The following PCDHGA3 variants were observed in gnomAD, a reference collection of about 807,000 sequenced individuals.
PCDHGA3 encodes protocadherin gamma subfamily A, 3.
PCDHGA3 carries 40 observed loss-of-function variants against 58.5 expected under a neutral mutation model. The observed-to-expected ratio is 0.68, with a 90% CI of 0.53 to 0.89. PCDHGA3 has a LOEUF of 0.89. Ranked by LOEUF, PCDHGA3 falls within the 40% of genes least tolerant of loss-of-function variation. The pLI, the probability that PCDHGA3 is intolerant of heterozygous loss-of-function variation, is 0.00. For missense variants in PCDHGA3, 1,223 were observed against 1,195.9 expected, an observed-to-expected ratio of 1.02 and a Z score of -0.33; for synonymous variants, 530 against 525.7, an observed-to-expected ratio of 1.01 and a Z score of -0.11.
At chr5:141,396,487 G>A (rs1196823269) in intron 1 of PCDHGA3, 1 of 152,122 alleles carries the variant, frequency 6.6e-6, no homozygotes, top group Non-Finnish European at 1.5e-5. Flanking sequence ...AGGCATGGTG[G>A]CATGCGCCTG....
rs747283905 is a variant in PCDHGA3, at chr5:141,491,693, G to A, written c.2425-3114G>A. On this transcript the variant is annotated intron_variant, in intron 1 of 3. Transcript: ENST00000253812. The surrounding 1 kb of genome is among the most constrained non-coding windows in gnomAD (Gnocchi z 6.9). ...TCCCGCTCTAATACGCTGCGGGAGC[G>A]GAGCCAGGTGAGGGGCTCGGCGCCG... 3.7e-5 allele frequency: 59 copies of A among 1,612,434 alleles called. No homozygotes were observed. Among genetic ancestry groups the A allele is most frequent in the Non-Finnish European group, 4.7e-5 (55 of 1,179,352 alleles).
chr5:141,458,701 C>A (rs1057501287), intron 1 of PCDHGA3, among the ~76,000 whole-genome samples: 3 of 152,088 alleles, frequency 2.0e-5, no homozygotes, highest in Non-Finnish European at 2.9e-5. Context: ...TCCCGAGTAG[C>A]TGGGATTACA....
In PCDHGA3 at chr5:141,489,950, A is replaced by G; in HGVS notation, c.2425-4857A>G. 2 of 1,614,192 alleles carry G rather than the reference A, an allele frequency of 1.2e-6. No individual in the cohort carries two copies. The highest frequency in any genetic ancestry group is 1.1e-5 in the South Asian group (1 of 91,088). ...TCTGTCATCGTGCTGGACATCAATG[A>G]TAATGCTCCAACCTTCCAATCCTCA... On this transcript the variant is annotated intron_variant, in intron 1 of 3. Transcript: ENST00000253812. The surrounding 1 kb of genome is among the most constrained non-coding windows in gnomAD (Gnocchi z 4.5).
intron 1 of PCDHGA3, chr5:141,390,321 C>G: frequency 6.2e-7 from 1 of 1,607,082 alleles, no homozygotes; most frequent in Non-Finnish European, 8.5e-7. Flanking sequence ...TCATTGCCTA[C>G]CCATTTCTCC....
At chr5:141,447,623 C>G (rs940221130) in intron 1 of PCDHGA3, among the ~76,000 whole-genome samples, 1 of 152,042 alleles carries the variant, frequency 6.6e-6, no homozygotes, top group African/African-American at 2.4e-5. Flanking sequence ...AAAGTTGAAA[C>G]CAACAGTATG....
intron 1 of PCDHGA3, chr5:141,418,422 G>A: frequency 6.2e-7 from 1 of 1,613,996 alleles, no homozygotes; most frequent in East Asian, 2.2e-5. Context: ...AATCCTGATG[G>A]TGGCAAATAT....
At chr5:141,460,989 A>G (rs199888312) in intron 1 of PCDHGA3, among the ~76,000 whole-genome samples, 3,445 of 98,242 alleles carry the variant, frequency 0.035, 55 homozygotes, top group African/African-American at 0.064. Context: ...GTGTGTATAT[A>G]TATATATGTG....
rs2099687715 is a variant in PCDHGA3, at chr5:141,489,479, T to G, written c.2425-5328T>G. 1.2e-6 allele frequency: 2 copies of G among 1,614,090 alleles called. No individual in the cohort carries two copies. The highest frequency in any genetic ancestry group is 1.7e-6 in the Non-Finnish European group (2 of 1,180,010). ...GGGCGCTATTTTTCCCTGAGCTTGATGAGTGGTGCCCTGGCAGTGAATCAA... is the reference window on the plus strand; with the variant it reads ...GGGCGCTATTTTTCCCTGAGCTTGAGGAGTGGTGCCCTGGCAGTGAATCAA... On this transcript the variant is annotated intron_variant, in intron 1 of 3. Transcript: ENST00000253812. This position sits in a 1 kb window ranked among gnomAD's most constrained non-coding sequence, Gnocchi z 4.5.
intron 1 of PCDHGA3, among the ~76,000 whole-genome samples, chr5:141,386,536 GTGT>G (rs1561611759): frequency 6.6e-6 from 1 of 151,656 alleles, no homozygotes; most frequent in African/African-American, 2.4e-5. Flanking sequence ...TTTTAGACTA[GTGT>G]TGTATTTGGT....
At chr5:141,474,557 G>T (rs1261720500) in intron 1 of PCDHGA3, among the ~76,000 whole-genome samples, 2 of 152,184 alleles carry the variant, frequency 1.3e-5, no homozygotes, top group Admixed American at 1.3e-4. Context: ...AAAACTGGGG[G>T]TTTTCAGAGA....
rs1385144710 is a variant in PCDHGA3 at position 141,399,080 on chromosome 5, G to C, written c.2424+52623G>C. 1 of 1,613,696 alleles carries C rather than the reference G, an allele frequency of 6.2e-7. No homozygotes were observed. On this transcript the variant is annotated intron_variant, in intron 1 of 3. Transcript: ENST00000253812. ...GAATATTCAATGGTTGTAGAAGGGA[G>C]GGATGGTGGTGGACTGGTTGCACAA...
intron 1 of PCDHGA3, among the ~76,000 whole-genome samples, chr5:141,353,412 A>G (rs1414392171): frequency 1.3e-5 from 2 of 152,176 alleles, no homozygotes; most frequent in Non-Finnish European, 2.9e-5. Context: ...ATCTTCATCA[A>G]TTACATTCTA....
chr5:141,344,625 C>A lies in PCDHGA3; in HGVS notation c.592C>A (p.Arg198=). The change falls in exon 1 of 4, where the codon CGG becomes AGG. Residue 198 remains arginine (R), a synonymous_variant. Coordinates refer to ENST00000253812, the MANE Select transcript of PCDHGA3 (RefSeq NM_018916.4). ...CAAGTATCCAGAGCTGGTGCTGGAG[C>A]GGGCCCTGGACCGTGAGAAAAAAGA... ...GAKYPELVLE[R]ALDREKKEIH... The A allele has an allele frequency of 6.2e-7, 1 of 1,613,934 alleles. No homozygotes were observed. Among genetic ancestry groups the A allele is most frequent in the East Asian group, 2.2e-5 (1 of 44,878 alleles).
intron 1 of PCDHGA3, chr5:141,360,088 C>G (rs1443293202): frequency 6.7e-7 from 1 of 1,503,738 alleles, no homozygotes; most frequent in Non-Finnish European, 8.9e-7. Context: ...CTGCCATCCC[C>G]GGAAGGCTTA....
chr5:141,477,532 C>A lies in PCDHGA3; in HGVS notation c.2425-17275C>A. 6.2e-7 allele frequency: 1 copy of A among 1,614,146 alleles called. No individual in the cohort carries two copies. The highest frequency in any genetic ancestry group is 8.5e-7 in the Non-Finnish European group (1 of 1,180,028). ...TTTACATTGAAGAAAACAACCTCCC[C>A]GGGGCTCCAATACTAAACCTAAGTG... On this transcript the variant is annotated intron_variant, in intron 1 of 3. Coordinates refer to ENST00000253812, the MANE Select transcript of PCDHGA3 (RefSeq NM_018916.4). The surrounding 1 kb of genome is among the most constrained non-coding windows in gnomAD (Gnocchi z 4.9).
At chr5:141,421,921 G>T in intron 1 of PCDHGA3, 1 of 1,613,644 alleles carries the variant, frequency 6.2e-7, no homozygotes, top group Non-Finnish European at 8.5e-7. Context: ...CATTCGTGTG[G>T]TGGTCCTCGA....
At chr5:141,405,543 C>T (rs1027086926) in intron 1 of PCDHGA3, 27 of 634,834 alleles carry the variant, frequency 4.3e-5, no homozygotes, top group Non-Finnish European at 7.1e-5. Flanking sequence ...CCTCAGCCTC[C>T]CAAGTAGAGT....
At chr5:141,374,754 G>C (rs1770811216) in intron 1 of PCDHGA3, 6 of 1,612,936 alleles carry the variant, frequency 3.7e-6, no homozygotes, top group Non-Finnish European at 4.2e-6. Context: ...GTCCGCTCAA[G>C]CGTCGCCCAA....
intron 2 of PCDHGA3, among the ~76,000 whole-genome samples, chr5:141,501,984 G>A (rs989251578): frequency 2.0e-5 from 3 of 152,042 alleles, no homozygotes; most frequent in African/African-American, 4.8e-5. Context: ...ATCTGGTCCC[G>A]TTGTCTCCCT....
Sources: allele counts gnomAD v4.1 joint callset (sites outside exome capture counted in the v4.1 genomes callset), GRCh38; gene constraint gnomAD v4.1.1; non-coding constraint Gnocchi (gnomAD v3.1); transcripts MANE v1.5; gene names NCBI Gene and HGNC (gene_info 2026-07-23, HGNC 2026-07-21).